SYNE1: variants seen among roughly 807,000 people sequenced by gnomAD.
SYNE1 encodes the protein spectrin repeat containing nuclear envelope protein 1, also known as nesprin-1.
SYNE1 carries 616 observed loss-of-function variants against 1,111.0 expected under a neutral mutation model. The ratio of observed to expected loss-of-function variants is 0.55; its 90% confidence interval spans 0.52 to 0.59. SYNE1 has a LOEUF of 0.59. Among genes scored for constraint, SYNE1 ranks in the 20% least tolerant of loss-of-function variants. The pLI, the probability that SYNE1 is intolerant of heterozygous loss-of-function variation, is 0.00. For missense variants in SYNE1, 10,006 were observed against 10,417.0 expected, an observed-to-expected ratio of 0.96 and a Z score of 1.72; for synonymous variants, 3,855 against 3,825.8, an observed-to-expected ratio of 1.01 and a Z score of -0.28.
At chr6:152,477,436 G>A (rs1387635561) in intron 14 of SYNE1, among the ~76,000 whole-genome samples, 1 of 152,124 alleles carries the variant, frequency 6.6e-6, no homozygotes, top group East Asian at 1.9e-4. Context: ...TCAGTAAGAG[G>A]ATGTTTCAGA....
intron 105 of SYNE1, among the ~76,000 whole-genome samples, chr6:152,246,158 T>C (rs1162946022): frequency 6.6e-6 from 1 of 152,160 alleles, no homozygotes; most frequent in Non-Finnish European, 1.5e-5. Flanking sequence ...CTTAAAATTA[T>C]CATGTTCCAT....
chr6:152,278,388 G>A, intron 97 of SYNE1, 108 bp from the exon 98 acceptor site: 2 of 1,319,124 alleles, frequency 1.5e-6, no homozygotes, highest in South Asian at 2.4e-5. Context: ...AAACGGACAG[G>A]CTTTCATGAT....
At chr6:152,484,216 A>G (rs2098927325) in intron 13 of SYNE1, among the ~76,000 whole-genome samples, 2 of 151,502 alleles carry the variant, frequency 1.3e-5, no homozygotes, top group South Asian at 4.1e-4. Flanking sequence ...TATCTCAAAA[A>G]CAAAATAAAA....
chr6:152,576,013 G>A (rs906593722), intron 3 of SYNE1, among the ~76,000 whole-genome samples: 1 of 152,182 alleles, frequency 6.6e-6, no homozygotes, highest in Admixed American at 6.5e-5. Context: ...AGTGGACCTC[G>A]GCTAATCAGC....
At chr6:152,289,921 C>A (rs1368124637) in intron 95 of SYNE1, among the ~76,000 whole-genome samples, 11 of 137,480 alleles carry the variant, frequency 8.0e-5, no homozygotes, top group African/African-American at 2.4e-4. Flanking sequence ...CTACCGCGCC[C>A]AGCCTTTTTT....
chr6:152,511,061 G>A lies in SYNE1; in HGVS notation c.352C>T (p.Arg118Ter), dbSNP rs1473936270. 6 of 1,613,718 alleles carry A rather than the reference G, an allele frequency of 3.7e-6. No homozygotes were observed. The highest frequency in any genetic ancestry group is 4.5e-5 in the East Asian group (2 of 44,886). Residue 118 changes from arginine to a stop codon, truncating the protein, a stop_gained, in exon 7 of 146, where the codon CGA (arginine) becomes TGA (stop). Coordinates refer to ENST00000367255, the MANE Select transcript of SYNE1 (RefSeq NM_182961.4). LOFTEE classifies it high-confidence loss of function. ...ATCAATCCAAGAACTATTGAGGGTCGGCCATCAGCTATATCGGTGGAGTTA... is the reference window on the plus strand; with the variant it reads ...ATCAATCCAAGAACTATTGAGGGTCAGCCATCAGCTATATCGGTGGAGTTA... ...NINSTDIADG[R>*]PSIVLGLMWT...
intron 63 of SYNE1, among the ~76,000 whole-genome samples, chr6:152,362,936 A>C (rs367547946): frequency 1.3e-5 from 2 of 151,250 alleles, no homozygotes; most frequent in Non-Finnish European, 1.5e-5. Context: ...GCTGGAGTGC[A>C]GTGGCGCGAT....
At chr6:152,507,549 G>C (rs1354472066) in intron 8 of SYNE1, among the ~76,000 whole-genome samples, 1 of 152,034 alleles carries the variant, frequency 6.6e-6, no homozygotes, top group East Asian at 1.9e-4. Flanking sequence ...TTTAGTTTTA[G>C]TTCAAACCTC....
chr6:152,334,027 C>T lies in SYNE1; in HGVS notation c.12775G>A (p.Glu4259Lys). ...VEVFLEKFTT[E>K]WDNLARSDAE... Reference sequence around the variant, plus strand: ...TGTTACCTGGCCAAGTTATCCCATTCTGTAGTAAATTTTTCTAGGAACACT... The same window carrying T: ...TGTTACCTGGCCAAGTTATCCCATTTTGTAGTAAATTTTTCTAGGAACACT... The change falls in exon 77 of 146, where the codon GAA (glutamate) becomes AAA (lysine). Residue 4259 changes from glutamate (E) to lysine (K), a missense_variant. This residue lies in a region of SYNE1 where 4,955 missense variants were observed against 5,017.2 expected (regional missense o/e 0.99). Coordinates refer to ENST00000367255, the MANE Select transcript of SYNE1 (RefSeq NM_182961.4). 1 of 1,614,114 alleles carries T rather than the reference C, an allele frequency of 6.2e-7. No homozygotes were observed. The highest frequency in any genetic ancestry group is 8.5e-7 in the Non-Finnish European group (1 of 1,180,026).
chr6:152,312,285 C>T (rs933754402), intron 87 of SYNE1, among the ~76,000 whole-genome samples: 2 of 149,350 alleles, frequency 1.3e-5, no homozygotes, highest in Non-Finnish European at 3.0e-5. Flanking sequence ...TCTCGGCTCA[C>T]TGCAACCTGC....
rs141164314 is a variant in SYNE1 at position 152,442,172 on chromosome 6, C to G, written c.3911G>C (p.Gly1304Ala). The change falls in exon 31 of 146, where the codon GGG (glycine) becomes GCG (alanine). Residue 1304 changes from glycine to alanine, a missense_variant. By Grantham distance (60) the Gly-to-Ala change is moderately conservative (BLOSUM62 0). Coordinates refer to ENST00000367255, the MANE Select transcript of SYNE1 (RefSeq NM_182961.4). ...CTCGTGGCCTCGGTCAGGCAGCCCC[C>G]CTTCTCCCTGCTGCGCCTGCGCGAT... ...QQIAQAQQGE[G>A]GLPDRGHEEL... is the part of the protein sequence containing the mutation. 4.5e-5 allele frequency: 72 copies of G among 1,613,822 alleles called. No individual in the cohort carries two copies. The highest frequency in any genetic ancestry group is 1.6e-4 in the Middle Eastern group (1 of 6,062).
At chr6:152,403,646 TG>T (rs1302229543) in intron 46 of SYNE1, among the ~76,000 whole-genome samples, 4 of 152,030 alleles carry the variant, frequency 2.6e-5, no homozygotes, top group African/African-American at 9.7e-5. Flanking sequence ...TGCTTGAGCT[TG>T]GGAGGCAGAG....
chr6:152,276,434 C>T (rs2093630451), intron 98 of SYNE1, among the ~76,000 whole-genome samples: 1 of 152,112 alleles, frequency 6.6e-6, no homozygotes, highest in South Asian at 2.1e-4. Context: ...CTAAATTTCT[C>T]CATTGCTTCT....
chr6:152,255,095 G>T lies in SYNE1; in HGVS notation c.19261-6C>A. The T allele has an allele frequency of 6.3e-7, 1 of 1,580,594 alleles. No homozygotes were observed. The highest frequency in any genetic ancestry group is 1.8e-5 in the Admixed American group (1 of 55,808). On this transcript the variant is annotated splice_region_variant and splice_polypyrimidine_tract_variant and intron_variant, in intron 103 of 145. Transcript: ENST00000367255. ...TTAATGTCTTTGGCAAGAATCTAGA[G>T]GTGATAAAAGGGCATTTTTCAGTGT... is the stretch of plus-strand genomic sequence containing the variant.
chr6:152,443,074 A>G (rs1425969728), intron 30 of SYNE1, among the ~76,000 whole-genome samples: 1 of 152,254 alleles, frequency 6.6e-6, no homozygotes, highest in Non-Finnish European at 1.5e-5. Context: ...AGAATAGTAC[A>G]TAAATCTCAG....
intron 56 of SYNE1, among the ~76,000 whole-genome samples, chr6:152,377,266 G>A (rs559958988): frequency 6.6e-6 from 1 of 152,160 alleles, no homozygotes; most frequent in African/African-American, 2.4e-5. Flanking sequence ...ATTGTTTAAA[G>A]GTGAAAACAA....
chr6:152,329,395 C>T (rs1383790648), intron 78 of SYNE1, among the ~76,000 whole-genome samples: 3 of 152,210 alleles, frequency 2.0e-5, no homozygotes, highest in Admixed American at 1.3e-4. Context: ...GATGTGATGG[C>T]GGGTGCCTGT....
rs372436268 is a variant in SYNE1, at chr6:152,339,222, T to G, written c.12351+19A>C. ...TATAATAAAACAAACAAATTCAATGTGATTTTTCATTTTCTTACCGTTTGC... is the reference window on the plus strand; with the variant it reads ...TATAATAAAACAAACAAATTCAATGGGATTTTTCATTTTCTTACCGTTTGC... On this transcript the variant is annotated intron_variant, in intron 75 of 145. Coordinates refer to ENST00000367255, the MANE Select transcript of SYNE1 (RefSeq NM_182961.4). 2 of 1,612,646 alleles carry G rather than the reference T, an allele frequency of 1.2e-6. No homozygotes were observed. The highest frequency in any genetic ancestry group is 8.5e-7 in the Non-Finnish European group (1 of 1,179,052).
At chr6:152,127,879 T>G (rs1256302594) in intron 145 of SYNE1, 1 of 152,236 alleles carries the variant, frequency 6.6e-6, no homozygotes, top group Non-Finnish European at 1.5e-5. Context: ...TTGAATACAT[T>G]TTTAAATGAG....
Sources: gnomAD v4.1 joint callset for allele counts (sites outside exome capture counted in the v4.1 genomes callset) on GRCh38, gnomAD v4.1.1 for gene constraint, gnomAD v4.1.1 regional missense constraint, MANE v1.5 for transcripts, NCBI Gene and HGNC (gene_info 2026-07-23, HGNC 2026-07-21) for gene names.